ARHGEF3: variants seen among roughly 807,000 people sequenced by gnomAD.
ARHGEF3 encodes 59.8 kDA protein.
ARHGEF3 carries 28 observed loss-of-function variants against 63.2 expected under a neutral mutation model. The observed-to-expected ratio is 0.44, with a 90% CI of 0.33 to 0.61. The LOEUF (loss-of-function observed/expected upper bound fraction) is 0.61. Ranked by LOEUF, ARHGEF3 falls within the 20% of genes least tolerant of loss-of-function variation. The pLI is 0.03. For synonymous variants in ARHGEF3, 266 were observed against 254.2 expected (o/e 1.05, Z -0.44); for missense variants, 533 against 659.3 (o/e 0.81, Z 2.10).
chr3:57,014,795 C>T (rs1253117658), intron 2 of ARHGEF3, among the ~76,000 whole-genome samples: 1 of 152,006 alleles, frequency 6.6e-6, no homozygotes, highest in African/African-American at 2.4e-5. Context: ...ATTGTCCTGC[C>T]TCAGCCTCCT....
At chr3:56,935,423 C>T (rs1006558867) in intron 3 of ARHGEF3, among the ~76,000 whole-genome samples, 8 of 152,156 alleles carry the variant, frequency 5.3e-5, no homozygotes, top group African/African-American at 1.2e-4. Context: ...AGCGGCAACC[C>T]GCTGGGGTCC....
At chr3:56,754,915 C>CA (rs752291861) in intron 3 of ARHGEF3, 66 bp downstream of exon 3, 2 of 1,598,278 alleles carry the variant, frequency 1.3e-6, no homozygotes, top group Non-Finnish European at 1.7e-6. Context: ...CAAATTCCAG[C>CA]ATGGCTGACG....
chr3:56,938,155 A>T (rs1578887021), intron 3 of ARHGEF3, among the ~76,000 whole-genome samples: 1 of 152,310 alleles, frequency 6.6e-6, no homozygotes, highest in Middle Eastern at 3.4e-3. Flanking sequence ...AGTTGGCAGT[A>T]ACAGTCATGC....
intron 2 of ARHGEF3, among the ~76,000 whole-genome samples, chr3:56,995,213 T>G (rs943985442): frequency 6.6e-6 from 1 of 152,114 alleles, no homozygotes; most frequent in African/African-American, 2.4e-5. Context: ...CAATTTATGC[T>G]CAAGGATCAT....
chr3:56,836,623 A>G (rs2039119545), intron 4 of ARHGEF3, among the ~76,000 whole-genome samples: 1 of 152,102 alleles, frequency 6.6e-6, no homozygotes, highest in Non-Finnish European at 1.5e-5. Flanking sequence ...ACAATCAGAC[A>G]AGATACAAAA....
At chr3:57,059,613 A>C (rs1705112379) in intron 1 of ARHGEF3, among the ~76,000 whole-genome samples, 1 of 152,104 alleles carries the variant, frequency 6.6e-6, no homozygotes, top group Non-Finnish European at 1.5e-5. Flanking sequence ...ACATAGCCTC[A>C]GGCAAGTTGC....
intron 3 of ARHGEF3, among the ~76,000 whole-genome samples, chr3:56,945,556 T>C (rs1489509289): frequency 6.6e-6 from 1 of 151,122 alleles, no homozygotes; most frequent in Non-Finnish European, 1.5e-5. Context: ...GCAAGGCAGC[T>C]GCAAGGCAGC....
At chr3:56,877,130 T>A (rs1408878613) in intron 4 of ARHGEF3, among the ~76,000 whole-genome samples, 2 of 152,124 alleles carry the variant, frequency 1.3e-5, no homozygotes, top group African/African-American at 4.8e-5. Context: ...TCAAACTTTA[T>A]CCAACTGATA....
intron 4 of ARHGEF3, among the ~76,000 whole-genome samples, chr3:56,846,952 A>G (rs1274203631): frequency 6.6e-6 from 1 of 152,208 alleles, no homozygotes; most frequent in Non-Finnish European, 1.5e-5. Context: ...TTTATTTACA[A>G]ATTACTTTGA....
At chr3:56,921,162 C>T (rs2042128633) in intron 3 of ARHGEF3, among the ~76,000 whole-genome samples, 1 of 145,158 alleles carries the variant, frequency 6.9e-6, no homozygotes, top group Non-Finnish European at 1.5e-5. Context: ...CCCGGGAGTT[C>T]AAGACCTGCC....
At chr3:56,842,471 A>C (rs1298132983) in intron 4 of ARHGEF3, among the ~76,000 whole-genome samples, 1 of 152,224 alleles carries the variant, frequency 6.6e-6, no homozygotes, top group African/African-American at 2.4e-5. Flanking sequence ...TAGCTTCTAT[A>C]GACTGCTTCC....
intron 4 of ARHGEF3, among the ~76,000 whole-genome samples, chr3:56,871,740 A>G (rs1045073281): frequency 1.3e-5 from 2 of 152,206 alleles, no homozygotes; most frequent in African/African-American, 4.8e-5. Flanking sequence ...TGAGTGTCTT[A>G]AGCAGGGATT....
chr3:57,039,475 C>T (rs1377956435), intron 1 of ARHGEF3, among the ~76,000 whole-genome samples: 1 of 152,142 alleles, frequency 6.6e-6, no homozygotes, highest in Non-Finnish European at 1.5e-5. Flanking sequence ...TCAGTAGCAC[C>T]ATGCACAACT....
chr3:56,813,375 CAT>C (rs763512114), intron 4 of ARHGEF3, among the ~76,000 whole-genome samples: 64 of 152,262 alleles, frequency 4.2e-4, no homozygotes, highest in Non-Finnish European at 7.1e-4. Context: ...AGGTTTTCCA[CAT>C]GTTAGGCAAA....
intron 1 of ARHGEF3, among the ~76,000 whole-genome samples, chr3:57,058,041 C>T (rs1705019378): frequency 1.3e-5 from 2 of 152,292 alleles, no homozygotes; most frequent in South Asian, 2.1e-4. Context: ...GGGCTTTAAC[C>T]CTTCAGTCGT....
intron 2 of ARHGEF3, among the ~76,000 whole-genome samples, chr3:56,766,807 C>T (rs371922704): frequency 7.2e-5 from 11 of 151,912 alleles, no homozygotes; most frequent in African/African-American, 2.4e-4. Context: ...GCCGTATCAA[C>T]GGCCTTTAGT....
chr3:56,988,417 G>A (rs145477400), intron 2 of ARHGEF3, among the ~76,000 whole-genome samples: 12 of 152,234 alleles, frequency 7.9e-5, no homozygotes, highest in East Asian at 1.9e-4. Context: ...AAAGTGCTGC[G>A]ATTACAGGCA....
intron 3 of ARHGEF3, among the ~76,000 whole-genome samples, chr3:56,923,708 A>C (rs111305858): frequency 1.3e-5 from 2 of 152,208 alleles, no homozygotes; most frequent in African/African-American, 4.8e-5. Context: ...TGTGTGTCCC[A>C]TGACTCAGAG....
intron 4 of ARHGEF3, among the ~76,000 whole-genome samples, chr3:56,823,684 G>A (rs1434469477): frequency 6.6e-6 from 1 of 152,090 alleles, no homozygotes; most frequent in African/African-American, 2.4e-5. Flanking sequence ...CTTGGGGAGA[G>A]AAAGAAAACC....
Sources: allele counts gnomAD v4.1 joint callset (sites outside exome capture counted in the v4.1 genomes callset), GRCh38; gene constraint gnomAD v4.1.1; transcripts MANE v1.5; gene names NCBI Gene and HGNC (gene_info 2026-07-23, HGNC 2026-07-21).